Variants in MINPP1 observed in about 807,000 individuals in gnomAD.
MINPP1 encodes the protein multiple inositol-polyphosphate phosphatase 1.
In MINPP1, 28 loss-of-function variants were observed where a neutral mutation model predicts 46.1. The ratio of observed to expected loss-of-function variants is 0.61; its 90% CI spans 0.45 to 0.83. MINPP1 has a LOEUF of 0.83. Among genes scored for constraint, MINPP1 ranks in the 40% least tolerant of loss-of-function variants. MINPP1 has a pLI of 0.00. For missense variants in MINPP1, 603 were observed against 610.0 expected (o/e 0.99, Z 0.12); for synonymous variants, 268 against 249.1 (o/e 1.08, Z -0.72).
intron 2 of MINPP1, chr10:87,509,686 T>C: frequency 3.3e-6 from 1 of 307,078 alleles, no homozygotes; most frequent in African/African-American, 2.2e-5. Flanking sequence ...CATGCCAGTT[T>C]TATACATAAA....
At chr10:87,510,649 C>T (rs1335797058) in intron 2 of MINPP1, among the ~76,000 whole-genome samples, 2 of 152,188 alleles carry the variant, frequency 1.3e-5, no homozygotes, top group Admixed American at 6.5e-5. Context: ...AATCCCAGCA[C>T]TTTGGGAGGC....
chr10:87,525,800 G>A (rs1467352055), intron 4 of MINPP1, among the ~76,000 whole-genome samples: 1 of 152,144 alleles, frequency 6.6e-6, no homozygotes, highest in African/African-American at 2.4e-5. Flanking sequence ...GTGAAAACAT[G>A]CAGTGCTTGG....
intron 4 of MINPP1, among the ~76,000 whole-genome samples, chr10:87,527,964 A>G (rs1178077020): frequency 6.6e-6 from 1 of 152,036 alleles, no homozygotes; most frequent in Non-Finnish European, 1.5e-5. Flanking sequence ...GAATTTGTCC[A>G]TTTCTTCTAG....
intron 4 of MINPP1, 54 bp downstream of exon 4, chr10:87,521,223 G>A (rs1214825190): frequency 1.2e-5 from 18 of 1,479,328 alleles, no homozygotes; most frequent in Non-Finnish European, 1.7e-5. Flanking sequence ...CTAAACTTCT[G>A]GAAATTTTTT....
intron 4 of MINPP1, among the ~76,000 whole-genome samples, chr10:87,545,735 T>C (rs1409140165): frequency 7.0e-6 from 1 of 142,236 alleles, no homozygotes; most frequent in South Asian, 2.1e-4. Context: ...ATGAAATAGA[T>C]CACATCGAGT....
intron 4 of MINPP1, among the ~76,000 whole-genome samples, chr10:87,541,655 C>T (rs529979519): frequency 6.6e-6 from 1 of 152,292 alleles, no homozygotes; most frequent in Non-Finnish European, 1.5e-5. Flanking sequence ...GTTGTAAAAG[C>T]ATGGCTCCAG....
chr10:87,544,258 A>G (rs924330555), intron 4 of MINPP1, among the ~76,000 whole-genome samples: 1 of 152,182 alleles, frequency 6.6e-6, no homozygotes, highest in African/African-American at 2.4e-5. Context: ...ATTACAGAGG[A>G]TACAAATGAC....
At position 87,535,070 on chromosome 10, in the gene MINPP1, G is replaced by A. The variant is rs116385606; in HGVS notation, c.1067+13901G>A. Among the ~76,000 whole-genome samples the A allele has an allele frequency of 7.9e-3, 1,203 of 152,310 alleles. 21 individuals carry two copies. Among genetic ancestry groups the A allele is most frequent in the African/African-American group, 0.027 (1,119 of 41,550 alleles). On this transcript the variant is annotated intron_variant, in intron 4 of 4. Coordinates refer to ENST00000371996, the MANE Select transcript of MINPP1 (RefSeq NM_004897.5). ...TTAAGAAAGTAATTTAGTCAAAAGC[G>A]AAAGGATGCTTGGGAAAGTAAGTCA... is the stretch of plus-strand genomic sequence containing the variant.
chr10:87,523,600 C>T (rs1458886814), intron 4 of MINPP1, among the ~76,000 whole-genome samples: 11 of 151,254 alleles, frequency 7.3e-5, no homozygotes, highest in East Asian at 3.9e-4. Context: ...ACCTTGGATC[C>T]GCCTGCCTCG....
At chr10:87,511,926 T>C (rs1332514689) in intron 2 of MINPP1, among the ~76,000 whole-genome samples, 2 of 152,352 alleles carry the variant, frequency 1.3e-5, no homozygotes, top group East Asian at 3.9e-4. Context: ...TTTCTGTATA[T>C]TCCCAATGAA....
intron 1 of MINPP1, among the ~76,000 whole-genome samples, chr10:87,506,320 C>G (rs767652404): frequency 1.4e-4 from 22 of 152,072 alleles, no homozygotes; most frequent in Non-Finnish European, 5.9e-5. Flanking sequence ...TCTCTAAGGT[C>G]TAGTATCCAA....
rs752550671 is a variant in MINPP1, at chr10:87,505,442, G to A, written c.527G>A (p.Arg176His). 6.2e-7 allele frequency: 1 copy of A among 1,613,364 alleles called. No homozygotes were observed. The highest frequency in any genetic ancestry group is 8.5e-7 in the Non-Finnish European group (1 of 1,179,640). Residue 176 changes from arginine (R) to histidine (H), a missense_variant, in exon 1 of 5, where the codon CGC becomes CAC. Around this residue, in one of 3 missense-constraint regions of MINPP1, gnomAD observed 344 missense variants for 381.1 expected, o/e 0.90. Transcript: ENST00000371996. This position sits in a 1 kb window ranked among gnomAD's most constrained non-coding sequence, Gnocchi z 4.4. ...PALFSRENYG[R>H]LRLITSSKHR... ...CTTTTCAGCCGTGAGAACTACGGCC[G>A]CCTGCGGCTCATCACCAGTTCCAAG...
At chr10:87,530,527 A>T (rs753203628) in intron 4 of MINPP1, among the ~76,000 whole-genome samples, 7 of 117,824 alleles carry the variant, frequency 5.9e-5, no homozygotes, top group Admixed American at 1.7e-4. Context: ...GCAGAACAGC[A>T]AATATTGCAG....
At chr10:87,535,357 A>G (rs1448223609) in intron 4 of MINPP1, among the ~76,000 whole-genome samples, 1 of 152,248 alleles carries the variant, frequency 6.6e-6, no homozygotes. Flanking sequence ...GTAAAGACAC[A>G]TTTATCTTTT....
intron 4 of MINPP1, among the ~76,000 whole-genome samples, chr10:87,535,776 A>C: frequency 6.6e-6 from 1 of 151,768 alleles, no homozygotes; most frequent in East Asian, 1.9e-4. Flanking sequence ...AAAGAAAAAA[A>C]AAATTAGCCA....
chr10:87,517,368 A>G (rs930065269), intron 3 of MINPP1, among the ~76,000 whole-genome samples: 3 of 152,162 alleles, frequency 2.0e-5, no homozygotes, highest in African/African-American at 7.2e-5. Context: ...TACCTGTAGC[A>G]GAGTATTAGA....
intron 4 of MINPP1, among the ~76,000 whole-genome samples, chr10:87,549,698 A>T (rs903300199): frequency 1.3e-5 from 2 of 152,198 alleles, no homozygotes; most frequent in East Asian, 3.9e-4. Context: ...CTGACAGTAA[A>T]TTCTTCTGGT....
intron 3 of MINPP1, among the ~76,000 whole-genome samples, chr10:87,517,420 G>T (rs575879480): frequency 6.6e-6 from 1 of 152,046 alleles, no homozygotes; most frequent in African/African-American, 2.4e-5. Context: ...TCTTGGGGGC[G>T]ATTAAGTCAT....
intron 3 of MINPP1, among the ~76,000 whole-genome samples, chr10:87,516,282 A>G (rs56309125): frequency 0.051 from 5,338 of 104,406 alleles, 1,467 homozygotes; most frequent in African/African-American, 0.14. Context: ...CATAAGATAG[A>G]TATTGTCCTC....
Sources: gnomAD v4.1 joint callset for allele counts (sites outside exome capture counted in the v4.1 genomes callset) on GRCh38, gnomAD v4.1.1 for gene constraint, gnomAD v4.1.1 regional missense constraint, Gnocchi (gnomAD v3.1) non-coding constraint, MANE v1.5 for transcripts, NCBI Gene and HGNC (gene_info 2026-07-23, HGNC 2026-07-21) for gene names.